TENM4: variants seen among roughly 807,000 people sequenced by gnomAD.
The protein encoded by TENM4 is teneurin transmembrane protein 4, also known as teneurin-4.
TENM4 carries 82 observed loss-of-function variants against 243.3 expected under a neutral mutation model. That is an observed-to-expected ratio of 0.34 (90% CI 0.28 to 0.40). TENM4 has a LOEUF of 0.40. TENM4 is among the 10% of genes least tolerant of loss of function. The probability of loss-of-function intolerance (pLI) is 1.00; values close to 1 mark genes in which losing one functional copy is unlikely to be tolerated. For missense variants in TENM4, 3,138 were observed against 3,673.3 expected, an observed-to-expected ratio of 0.85 and a Z score of 3.77; for synonymous variants, 1,412 against 1,456.3, an observed-to-expected ratio of 0.97 and a Z score of 0.69.
Position 78,658,774 on chromosome 11 carries a change from C to A in TENM4, c.7594G>T (p.Ala2532Ser), listed in dbSNP as rs996808793. Reference protein sequence around the residue: ...VQCEVQKQLKAFVTLERFDQL... With the variant: ...VQCEVQKQLKSFVTLERFDQL... ...TCAAACCGTTCTAAGGTGACAAAGG[C>A]CTTGAGCTGCTTCTGTACTTCACAC... Residue 2532 changes from alanine to serine, a missense_variant, in exon 34 of 34, where the codon GCC becomes TCC. Transcript: ENST00000278550. The A allele has an allele frequency of 5.6e-6, 9 of 1,613,748 alleles. 1 individual carries two copies. The South Asian group carries it at 8.8e-5, about 16-fold the overall frequency.
intron 9 of TENM4, among the ~76,000 whole-genome samples, chr11:78,874,512 T>C (rs962788031): frequency 6.6e-6 from 1 of 152,190 alleles, no homozygotes; most frequent in Admixed American, 6.5e-5. Flanking sequence ...GGTGTATGCA[T>C]AGTGCTATTT....
intron 1 of TENM4, among the ~76,000 whole-genome samples, chr11:79,416,917 T>C (rs987795754): frequency 6.6e-6 from 1 of 151,956 alleles, no homozygotes; most frequent in Non-Finnish European, 1.5e-5. Context: ...TACAGGCAAC[T>C]GTAACATCAA....
At chr11:79,397,963 G>A (rs1188393675) in intron 1 of TENM4, among the ~76,000 whole-genome samples, 1 of 152,146 alleles carries the variant, frequency 6.6e-6, no homozygotes, top group Non-Finnish European at 1.5e-5. Flanking sequence ...CATTAAATTT[G>A]TGTGACATCC....
intron 12 of TENM4, among the ~76,000 whole-genome samples, chr11:78,829,571 A>G (rs1442791534): frequency 6.6e-6 from 1 of 152,168 alleles, no homozygotes; most frequent in Admixed American, 6.5e-5. Context: ...CGGAGGCTGC[A>G]TGGTATAATG....
chr11:78,769,014 TC>T (rs1856597147), intron 18 of TENM4, among the ~76,000 whole-genome samples: 1 of 152,200 alleles, frequency 6.6e-6, no homozygotes, highest in African/African-American at 2.4e-5. Context: ...GTACGCCCTT[TC>T]CCCACATTTC....
intron 1 of TENM4, among the ~76,000 whole-genome samples, chr11:79,409,013 T>C (rs75739880): frequency 5.9e-4 from 90 of 152,186 alleles, no homozygotes; most frequent in African/African-American, 2.1e-3. Flanking sequence ...GTTCTCCTTT[T>C]GGTCTTCCTT....
At chr11:78,663,309 G>A (rs565494814) in intron 32 of TENM4, among the ~76,000 whole-genome samples, 4 of 152,196 alleles carry the variant, frequency 2.6e-5, no homozygotes, top group Non-Finnish European at 4.4e-5. Context: ...AACCCTGATC[G>A]CAGAGGTCCT....
At chr11:78,743,149 A>G (rs559216012) in intron 19 of TENM4, among the ~76,000 whole-genome samples, 4 of 152,290 alleles carry the variant, frequency 2.6e-5, no homozygotes, top group Non-Finnish European at 5.9e-5. Flanking sequence ...ACTTATACTT[A>G]TCACTAAATT....
At chr11:79,033,774 A>G (rs1332036895) in intron 6 of TENM4, among the ~76,000 whole-genome samples, 1 of 152,248 alleles carries the variant, frequency 6.6e-6, no homozygotes, top group Non-Finnish European at 1.5e-5. Flanking sequence ...GCAAATATAA[A>G]TAAATAAATA....
intron 31 of TENM4, among the ~76,000 whole-genome samples, chr11:78,671,575 A>C (rs1858326053): frequency 6.6e-6 from 1 of 152,252 alleles, no homozygotes; most frequent in African/African-American, 2.4e-5. Flanking sequence ...CCCTGGGATG[A>C]CATGAGTTCT....
chr11:79,013,484 G>A (rs1169045839), intron 6 of TENM4, among the ~76,000 whole-genome samples: 1 of 152,206 alleles, frequency 6.6e-6, no homozygotes, highest in African/African-American at 2.4e-5. Context: ...CAGGCACCAG[G>A]CCCACTGCCT....
At chr11:79,023,740 C>T (rs1858998719) in intron 6 of TENM4, among the ~76,000 whole-genome samples, 1 of 152,042 alleles carries the variant, frequency 6.6e-6, no homozygotes, top group African/African-American at 2.4e-5. Flanking sequence ...GGCAGAGGGC[C>T]CAGTGGACCA....
In TENM4 at chr11:79,145,762, C is replaced by T. The variant is rs79617565; in HGVS notation, c.-66+2948G>A. On this transcript the variant is annotated intron_variant, in intron 4 of 33. Coordinates refer to ENST00000278550, the MANE Select transcript of TENM4 (RefSeq NM_001098816.3). ...ATTTCAGCTAACAGTGTGTAAGTTTCGGTTGTTTCACATCTTTGCCAACAC... is the reference window on the plus strand; with the variant it reads ...ATTTCAGCTAACAGTGTGTAAGTTTTGGTTGTTTCACATCTTTGCCAACAC... Among the ~76,000 whole-genome samples, 1,203 of 152,122 alleles carry T rather than the reference C, an allele frequency of 7.9e-3. 19 individuals carry two copies. The highest frequency in any genetic ancestry group is 0.028 in the African/African-American group (1,149 of 41,516).
intron 12 of TENM4, among the ~76,000 whole-genome samples, chr11:78,848,176 C>T (rs1858448038): frequency 6.7e-6 from 1 of 150,094 alleles, no homozygotes; most frequent in Non-Finnish European, 1.5e-5. Flanking sequence ...CTTCTGAAGT[C>T]ACTAAGTTCA....
chr11:79,080,257 A>C (rs1310703277), intron 4 of TENM4, among the ~76,000 whole-genome samples: 1 of 152,228 alleles, frequency 6.6e-6, no homozygotes, highest in Non-Finnish European at 1.5e-5. Context: ...ATCCTAGGGT[A>C]GACCCGGGGA....
At chr11:79,074,479 A>G (rs1346321429) in intron 4 of TENM4, among the ~76,000 whole-genome samples, 1 of 151,862 alleles carries the variant, frequency 6.6e-6, no homozygotes, top group Non-Finnish European at 1.5e-5. Context: ...TTACCCACCA[A>G]CCTCTGGGTT....
At chr11:79,340,458 A>T (rs887871328) in intron 1 of TENM4, among the ~76,000 whole-genome samples, 3 of 152,080 alleles carry the variant, frequency 2.0e-5, no homozygotes, top group African/African-American at 7.2e-5. Flanking sequence ...CTGGAAAATG[A>T]TACTCTTGAG....
chr11:78,823,772 C>A (rs1456350655), intron 12 of TENM4, among the ~76,000 whole-genome samples: 5 of 152,176 alleles, frequency 3.3e-5, no homozygotes, highest in African/African-American at 9.7e-5. Flanking sequence ...GCCACATCAG[C>A]TTTTCCTTGA....
At chr11:79,254,510 A>G (rs1855667979) in intron 2 of TENM4, among the ~76,000 whole-genome samples, 1 of 152,200 alleles carries the variant, frequency 6.6e-6, no homozygotes. Flanking sequence ...AGAGGCAGCT[A>G]AGGAGCTAAG....
Sources: gnomAD v4.1 joint callset for allele counts (sites outside exome capture counted in the v4.1 genomes callset) on GRCh38, gnomAD v4.1.1 for gene constraint, MANE v1.5 for transcripts, NCBI Gene and HGNC (gene_info 2026-07-23, HGNC 2026-07-21) for gene names.